CELF2: variants seen among roughly 807,000 people sequenced by gnomAD.
CELF2 encodes CUGBP Elav-like family member 2, also known as CUG triplet repeat RNA-binding protein 2.
Under a neutral mutation model 62.6 loss-of-function variants are expected in CELF2, and 8 were observed. That is an observed-to-expected ratio of 0.13 (90% CI 0.07 to 0.23). The LOEUF is 0.23. Among genes scored for constraint, CELF2 ranks in the 10% least tolerant of loss-of-function variants. The probability of loss-of-function intolerance (pLI) is 1.00; values close to 1 mark genes in which losing one functional copy is unlikely to be tolerated. For missense variants in CELF2, 333 were observed against 671.0 expected (o/e 0.50, Z 5.56); for synonymous variants, 258 against 250.0 (o/e 1.03, Z -0.30).
chr10:10,801,781 T>TAAAAAGTC (rs2054688108), intron 1 of CELF2, among the ~76,000 whole-genome samples: 2 of 152,240 alleles, frequency 1.3e-5, no homozygotes, highest in African/African-American at 2.4e-5. Flanking sequence ...CTGTTGCTCC[T>TAAAAAGTC]AAAAAGTCAT....
In CELF2 at chr10:11,011,688, T is replaced by C. The variant is rs547526386; in HGVS notation, c.53+6248T>C. On this transcript the variant is annotated intron_variant, in intron 1 of 12. Transcript: ENST00000416382. This position sits in a 1 kb window ranked among gnomAD's most constrained non-coding sequence, Gnocchi z 4.6. ...TAGGACAAGATAGAACATACTCCAC[T>C]CTGTATAGCTTGACTAGGTAGCTAT... Among the ~76,000 whole-genome samples the C allele has an allele frequency of 3.8e-4, 35 of 93,052 alleles. No individual in the cohort carries two copies. In the South Asian group the frequency reaches 7.7e-3, roughly 20 times the overall value. 61.0% of individuals were successfully genotyped at this position (93,052 alleles called of 152,430 possible).
rs768688896 is a variant in CELF2, at chr10:11,268,271, C to T, written c.618+1594C>T. ...CTTTACTTGTATTATCTTCCATATA[C>T]GCGTTTCATTCTTATTTTTATTTCT... On this transcript the variant is annotated intron_variant, in intron 6 of 12. Coordinates refer to ENST00000633077, the MANE Select transcript of CELF2 (RefSeq NM_001326342.2). The surrounding 1 kb of genome is among the most constrained non-coding windows in gnomAD (Gnocchi z 4.7). Among the ~76,000 whole-genome samples, 3 of 152,086 alleles carry T rather than the reference C, an allele frequency of 2.0e-5. No individual in the cohort carries two copies. The highest frequency in any genetic ancestry group is 4.8e-5 in the African/African-American group (2 of 41,380).
rs1322128806 is a variant in CELF2 at position 11,311,093 on chromosome 10, G to T, written c.977-3046G>T. On this transcript the variant is annotated intron_variant, in intron 9 of 12. Coordinates refer to ENST00000633077, the MANE Select transcript of CELF2 (RefSeq NM_001326342.2). This position sits in a 1 kb window ranked among gnomAD's most constrained non-coding sequence, Gnocchi z 4.7. ...TAGGAGACCCTCCCCATACGAGCCTGAAACCTCAAAAGGCTAAACTCTCAG... is the reference window on the plus strand; with the variant it reads ...TAGGAGACCCTCCCCATACGAGCCTTAAACCTCAAAAGGCTAAACTCTCAG... Among the ~76,000 whole-genome samples, 1 of 152,092 alleles carries T rather than the reference G, an allele frequency of 6.6e-6. No individual in the cohort carries two copies. The highest frequency in any genetic ancestry group is 1.5e-5 in the Non-Finnish European group (1 of 68,030).
chr10:10,536,508 C>T, the CELF2 span, among the ~76,000 whole-genome samples: 7 of 152,256 alleles, frequency 4.6e-5, no homozygotes, highest in East Asian at 5.8e-4. Flanking sequence ...GAGAATTGAA[C>T]GAATCTCAAG....
At chr10:11,288,917 T>C (rs1448291494) in intron 9 of CELF2, among the ~76,000 whole-genome samples, 2 of 152,202 alleles carry the variant, frequency 1.3e-5, no homozygotes, top group Admixed American at 6.5e-5. Flanking sequence ...AATAAGACAA[T>C]GTAAGAATTC....
intron 1 of CELF2, among the ~76,000 whole-genome samples, chr10:10,894,004 CG>C (rs1424018857): frequency 6.6e-6 from 1 of 151,914 alleles, no homozygotes; most frequent in Non-Finnish European, 1.5e-5. Context: ...AATCAGAGAG[CG>C]TTCTTGGAGC....
intron 2 of CELF2, among the ~76,000 whole-genome samples, chr10:10,940,070 A>G (rs146126430): frequency 1.6e-4 from 25 of 152,318 alleles, no homozygotes; most frequent in Non-Finnish European, 2.9e-4. Context: ...TAGGGTCCCC[A>G]ACCTAATATC....
chr10:10,597,892 T>C, the CELF2 span, among the ~76,000 whole-genome samples: 1 of 152,126 alleles, frequency 6.6e-6, no homozygotes, highest in Admixed American at 6.6e-5. Context: ...CAAAATAGTA[T>C]CTAGGATTAA....
chr10:11,313,768 A>G, intron 9 of CELF2, among the ~76,000 whole-genome samples: 1 of 150,332 alleles, frequency 6.7e-6, no homozygotes, highest in East Asian at 1.9e-4. Flanking sequence ...ATAAAGGCCC[A>G]TCTTACTCAT....
chr10:11,026,480 T>C (rs531194939), intron 1 of CELF2, among the ~76,000 whole-genome samples: 1 of 152,278 alleles, frequency 6.6e-6, no homozygotes, highest in South Asian at 2.1e-4. Flanking sequence ...TGAAAACTCT[T>C]AGGGGAATAA....
chr10:11,138,758 G>A (rs550735244), intron 1 of CELF2, among the ~76,000 whole-genome samples: 6 of 152,280 alleles, frequency 3.9e-5, no homozygotes, highest in South Asian at 2.1e-4. Context: ...ATCATCTCTC[G>A]TGTGTGTTAA....
At position 11,300,691 on chromosome 10, in the gene CELF2, G is replaced by C. The variant is rs1408776076; in HGVS notation, c.976+12139G>C. Among the ~76,000 whole-genome samples, 3 of 152,200 alleles carry C rather than the reference G, an allele frequency of 2.0e-5. No homozygotes were observed. Among genetic ancestry groups the C allele is most frequent in the African/African-American group, 7.2e-5 (3 of 41,448 alleles). ...ATTGGCTAGTAATGCTAGTGCCTGT[G>C]TCATGGCTTAATTATCCTACTTCCT... On this transcript the variant is annotated intron_variant, in intron 9 of 12. Transcript: ENST00000633077. The surrounding 1 kb of genome is among the most constrained non-coding windows in gnomAD (Gnocchi z 5.5).
At chr10:10,600,336 C>A in the CELF2 span, among the ~76,000 whole-genome samples, 2 of 152,354 alleles carry the variant, frequency 1.3e-5, no homozygotes, top group South Asian at 4.1e-4. Flanking sequence ...CCTGATCTAT[C>A]TCTGAAGTTG....
chr10:11,169,864 G>C (rs537722263), intron 2 of CELF2, among the ~76,000 whole-genome samples: 1 of 152,192 alleles, frequency 6.6e-6, no homozygotes, highest in African/African-American at 2.4e-5. Context: ...TGGGAGGATT[G>C]TGAGCACAGT....
chr10:10,650,508 A>G, the CELF2 span, among the ~76,000 whole-genome samples: 1 of 150,916 alleles, frequency 6.6e-6, no homozygotes, highest in African/African-American at 2.4e-5. Flanking sequence ...AAAAGTACAC[A>G]TCTTGAATTA....
chr10:11,122,745 G>A (rs1291550156), intron 1 of CELF2, among the ~76,000 whole-genome samples: 1 of 152,238 alleles, frequency 6.6e-6, no homozygotes, highest in Non-Finnish European at 1.5e-5. Flanking sequence ...TGCATATCAA[G>A]TATTTAAATT....
chr10:10,602,904 C>CT, the CELF2 span, among the ~76,000 whole-genome samples: 6 of 152,232 alleles, frequency 3.9e-5, no homozygotes, highest in Non-Finnish European at 8.8e-5. Context: ...ATACCTTTGT[C>CT]TGTCTTTTCC....
chr10:10,491,147 G>A, the CELF2 span, among the ~76,000 whole-genome samples: 9 of 152,100 alleles, frequency 5.9e-5, no homozygotes. Flanking sequence ...AAAGTTAGAG[G>A]AACTTACTTG....
intron 1 of CELF2, among the ~76,000 whole-genome samples, chr10:11,158,002 T>G (rs548040705): frequency 2.0e-5 from 3 of 152,338 alleles, no homozygotes; most frequent in Admixed American, 6.5e-5. Flanking sequence ...GTGGAGGCAG[T>G]GGGGGACATT....
Sources: gnomAD v4.1 joint callset for allele counts (sites outside exome capture counted in the v4.1 genomes callset) on GRCh38, gnomAD v4.1.1 for gene constraint, Gnocchi (gnomAD v3.1) non-coding constraint, MANE v1.5 for transcripts, NCBI Gene and HGNC (gene_info 2026-07-23, HGNC 2026-07-21) for gene names.